STK32C: variants seen among roughly 807,000 people sequenced by gnomAD.
STK32C encodes the protein serine/threonine kinase 32C, also known as serine/threonine-protein kinase 32C.
A neutral mutation model predicts 56.5 loss-of-function variants in STK32C; 31 were observed. The ratio of observed to expected loss-of-function variants is 0.55; its 90% CI spans 0.41 to 0.74. The LOEUF (loss-of-function observed/expected upper bound fraction) is 0.74. STK32C is among the 30% of genes least tolerant of loss of function. The probability of loss-of-function intolerance (pLI) is 0.00; values close to 1 mark genes in which losing one functional copy is unlikely to be tolerated. For synonymous variants in STK32C, 309 were observed against 289.4 expected, an observed-to-expected ratio of 1.07 and a Z score of -0.69; for missense variants, 544 against 676.9, an observed-to-expected ratio of 0.80 and a Z score of 2.18.
intron 1 of STK32C, among the ~76,000 whole-genome samples, chr10:132,293,864 G>A (rs931174709): frequency 3.9e-5 from 6 of 152,170 alleles, no homozygotes; most frequent in African/African-American, 1.4e-4. Context: ...CTCCGGGGAC[G>A]CAGAAGGAGC....
intron 1 of STK32C, among the ~76,000 whole-genome samples, chr10:132,250,670 C>T (rs1439624087): frequency 7.2e-6 from 1 of 139,846 alleles, no homozygotes; most frequent in Admixed American, 7.1e-5. Context: ...GGCCCCGCCC[C>T]GAGTGCAGGT....
rs1185649745 is a variant in STK32C at position 132,307,712 on chromosome 10, C to G, written c.122G>C (p.Gly41Ala). 6.6e-6 allele frequency: 9 copies of G among 1,356,750 alleles called. No homozygotes were observed. Among genetic ancestry groups the G allele is most frequent in the Non-Finnish European group, 8.6e-6 (9 of 1,044,390 alleles). 84.0% of individuals were successfully genotyped at this position (1,356,750 alleles called of 1,614,324 possible). A position where few individuals can be genotyped will look rare whatever the true frequency, so the allele number is the denominator to read the frequency against. ...APSALPPPAAGQPRARDSGDV... is the reference protein window; with the variant it reads ...APSALPPPAAAQPRARDSGDV... Reference sequence around the variant, plus strand: ...GCCCGAGTCCCGGGCCCGGGGCTGGCCAGCAGCGGGCGGCGGCAGGGCCGA... The same window carrying G: ...GCCCGAGTCCCGGGCCCGGGGCTGGGCAGCAGCGGGCGGCGGCAGGGCCGA... The change falls in exon 1 of 12, where the codon GGC (glycine) becomes GCC (alanine). Residue 41 changes from glycine (G) to alanine (A), a missense_variant. By Grantham distance (60) the Gly-to-Ala change is moderately conservative. Transcript: ENST00000298630. This position sits in a 1 kb window ranked among gnomAD's most constrained non-coding sequence, Gnocchi z 4.4.
chr10:132,255,583 C>T lies in STK32C; in HGVS notation c.263-9628G>A, dbSNP rs2064089141. Among the ~76,000 whole-genome samples, 2 of 152,208 alleles carry T rather than the reference C, an allele frequency of 1.3e-5. No individual in the cohort carries two copies. Among genetic ancestry groups the T allele is most frequent in the Non-Finnish European group, 2.9e-5 (2 of 68,036 alleles). On this transcript the variant is annotated intron_variant, in intron 1 of 11. Transcript: ENST00000298630. This position sits in a 1 kb window ranked among gnomAD's most constrained non-coding sequence, Gnocchi z 4.6. ...TACAGCGGAGAACATAGAGCAGAAG[C>T]GTCCAGCCACAGCAGCACCCAGGAG...
At chr10:132,220,342 C>T (rs969686005) in intron 10 of STK32C, among the ~76,000 whole-genome samples, 7 of 152,236 alleles carry the variant, frequency 4.6e-5, no homozygotes, top group Admixed American at 4.6e-4. Context: ...CCCCGGAGAG[C>T]CTTCAGAGGG....
downstream of STK32C, among the ~76,000 whole-genome samples, chr10:132,319,149 A>C (rs2066359261): frequency 6.8e-6 from 1 of 147,486 alleles, no homozygotes; most frequent in Non-Finnish European, 1.5e-5. Flanking sequence ...GGGTTTCACC[A>C]TGTTGGCCAG....
intron 2 of STK32C, among the ~76,000 whole-genome samples, chr10:132,244,643 G>A (rs890000134): frequency 4.5e-4 from 69 of 152,168 alleles, no homozygotes; most frequent in African/African-American, 1.6e-3. Context: ...CTGATTTCTG[G>A]ATGCCTGGTG....
At chr10:132,224,559 T>TGGG in intron 7 of STK32C, 36 bp from the exon 8 acceptor site, 1 of 1,506,224 alleles carries the variant, frequency 6.6e-7, no homozygotes, top group Non-Finnish European at 9.1e-7. Flanking sequence ...CAGGTCCTCC[T>TGGG]GGCCCCCAGG....
At chr10:132,276,569 G>GCCT (rs1332147348) in intron 1 of STK32C, among the ~76,000 whole-genome samples, 1 of 152,044 alleles carries the variant, frequency 6.6e-6, no homozygotes, top group African/African-American at 2.4e-5. Flanking sequence ...ACTGCTTGTG[G>GCCT]CCAGGAGTGT....
intron 7 of STK32C, among the ~76,000 whole-genome samples, 187 bp downstream of exon 7, chr10:132,225,046 G>C (rs2062834250): frequency 6.6e-6 from 1 of 152,230 alleles, no homozygotes; most frequent in South Asian, 2.1e-4. Flanking sequence ...CAGTGAGTCT[G>C]TCCTTCCTCC....
At chr10:132,238,255 CAT>C (rs1268498488) in intron 2 of STK32C, among the ~76,000 whole-genome samples, 7 of 152,232 alleles carry the variant, frequency 4.6e-5, no homozygotes, top group Admixed American at 3.9e-4. Context: ...AAGAGATCCA[CAT>C]GATTCAGGAG....
intron 10 of STK32C, among the ~76,000 whole-genome samples, chr10:132,222,280 C>T (rs2062703156): frequency 6.7e-6 from 1 of 149,352 alleles, no homozygotes; most frequent in Non-Finnish European, 1.5e-5. Flanking sequence ...CTTCACATGG[C>T]TGTCCCGGCA....
chr10:132,268,334 C>T (rs1246222942), intron 1 of STK32C, among the ~76,000 whole-genome samples: 2 of 141,212 alleles, frequency 1.4e-5, no homozygotes, highest in Non-Finnish European at 3.0e-5. Flanking sequence ...GGTGTGTGTG[C>T]ATGCATGTGT....
At chr10:132,279,128 G>C (rs889004491) in intron 1 of STK32C, among the ~76,000 whole-genome samples, 6 of 152,162 alleles carry the variant, frequency 3.9e-5, no homozygotes, top group Non-Finnish European at 5.9e-5. Context: ...GCTGCACCCA[G>C]TTTAACACAG....
At position 132,228,139 on chromosome 10, in the gene STK32C, C is replaced by G. The variant is rs1315442369; in HGVS notation, c.319-11G>C. On this transcript the variant is annotated splice_polypyrimidine_tract_variant and intron_variant, in intron 2 of 11. Coordinates refer to ENST00000298630, the MANE Select transcript of STK32C (RefSeq NM_173575.4). ...CTGCACAATGCACACCTGGAGGGCACAGGGCTGTTCGGCAGGACGCCTGAG... is the reference window on the plus strand; with the variant it reads ...CTGCACAATGCACACCTGGAGGGCAGAGGGCTGTTCGGCAGGACGCCTGAG... 1 of 1,613,918 alleles carries G rather than the reference C, an allele frequency of 6.2e-7. No homozygotes were observed.
intron 1 of STK32C, among the ~76,000 whole-genome samples, chr10:132,252,625 C>A (rs2137997917): frequency 6.6e-6 from 1 of 152,354 alleles, no homozygotes; most frequent in Middle Eastern, 3.4e-3. Context: ...TACTTGTGTG[C>A]ACCCAACGGC....
At chr10:132,211,385 GC>G (rs1293722111) in intron 10 of STK32C, among the ~76,000 whole-genome samples, 1 of 152,226 alleles carries the variant, frequency 6.6e-6, no homozygotes, top group African/African-American at 2.4e-5. Context: ...CCTGTGTGCA[GC>G]CCAGTGGCAG....
chr10:132,222,026 T>A (rs1369108090), intron 10 of STK32C, among the ~76,000 whole-genome samples: 1 of 140,114 alleles, frequency 7.1e-6, no homozygotes, highest in Non-Finnish European at 1.5e-5. Flanking sequence ...CCTGGGTGAG[T>A]GTGAGGGCTT....
chr10:132,307,964 C>T (rs1042223260), upstream of STK32C: 1 of 1,006,694 alleles, frequency 9.9e-7, no homozygotes, highest in South Asian at 3.8e-5. The surrounding 1 kb of genome is among the most constrained non-coding windows in gnomAD (Gnocchi z 4.4). Context: ...CGGTGGAACC[C>T]GCCCCGTAGA....
intron 2 of STK32C, among the ~76,000 whole-genome samples, chr10:132,235,499 A>C (rs1389090475): frequency 1.7e-4 from 25 of 150,918 alleles, no homozygotes; most frequent in African/African-American, 3.4e-4. Flanking sequence ...AGCCTTAAAA[A>C]AAAAAAAAAA....
Sources: allele counts gnomAD v4.1 joint callset (sites outside exome capture counted in the v4.1 genomes callset), GRCh38; gene constraint gnomAD v4.1.1; non-coding constraint Gnocchi (gnomAD v3.1); transcripts MANE v1.5; gene names NCBI Gene and HGNC (gene_info 2026-07-23, HGNC 2026-07-21).